NCALD: variants seen among roughly 807,000 people sequenced by gnomAD.
NCALD encodes the protein neurocalcin-delta.
A neutral mutation model predicts 18.6 loss-of-function variants in NCALD; 10 were observed. The observed-to-expected ratio is 0.54, with a 90% CI of 0.33 to 0.91. The LOEUF is 0.91. Ranked by LOEUF, NCALD falls within the 40% of genes least tolerant of loss-of-function variation. The probability of loss-of-function intolerance (pLI) is 0.03; values close to 1 mark genes in which losing one functional copy is unlikely to be tolerated. For synonymous variants in NCALD, 88 were observed against 87.4 expected (o/e 1.01, Z -0.04); for missense variants, 184 against 247.6 (o/e 0.74, Z 1.72).
At chr8:101,802,915 A>AT (rs1812923485) in intron 4 of NCALD, among the ~76,000 whole-genome samples, 1 of 151,510 alleles carries the variant, frequency 6.6e-6, no homozygotes, top group African/African-American at 2.4e-5. Flanking sequence ...AAAAAAAAAA[A>AT]AAAAATGCAA....
intron 2 of NCALD, among the ~76,000 whole-genome samples, chr8:101,941,295 G>C (rs953704360): frequency 1.4e-4 from 21 of 152,156 alleles, no homozygotes; most frequent in African/African-American, 4.3e-4. Flanking sequence ...TTCTCATAAG[G>C]AGCATTCAAC....
At chr8:101,893,192 G>T (rs1307885166) in intron 3 of NCALD, among the ~76,000 whole-genome samples, 2 of 151,910 alleles carry the variant, frequency 1.3e-5, no homozygotes, top group South Asian at 4.1e-4. Context: ...AGCCAGAAGA[G>T]AGTGGGGGCC....
intron 4 of NCALD, among the ~76,000 whole-genome samples, chr8:101,848,018 AC>A (rs1814938507): frequency 6.6e-6 from 1 of 152,210 alleles, no homozygotes; most frequent in Admixed American, 6.5e-5. Flanking sequence ...AACAAACCTT[AC>A]AAAAGTTGAT....
intron 4 of NCALD, among the ~76,000 whole-genome samples, chr8:101,867,329 C>T (rs570121946): frequency 7.9e-5 from 12 of 152,194 alleles, no homozygotes; most frequent in Non-Finnish European, 1.2e-4. Flanking sequence ...TTGTTCCCTA[C>T]CTAAATATCA....
intron 3 of NCALD, among the ~76,000 whole-genome samples, chr8:101,896,162 CA>C (rs1444287896): frequency 6.6e-6 from 1 of 151,788 alleles, no homozygotes; most frequent in African/African-American, 2.4e-5. Context: ...GGTACCAAAA[CA>C]GAGATATAGA....
chr8:101,835,208 C>T (rs2131264745), intron 4 of NCALD, among the ~76,000 whole-genome samples: 1 of 152,342 alleles, frequency 6.6e-6, no homozygotes, highest in Middle Eastern at 3.4e-3. Flanking sequence ...GCTTCACAGC[C>T]CCGTGCAGTA....
chr8:101,949,710 T>C (rs1463451481), intron 2 of NCALD, among the ~76,000 whole-genome samples: 2 of 152,050 alleles, frequency 1.3e-5, no homozygotes, highest in Non-Finnish European at 2.9e-5. Context: ...TTATGTTTTG[T>C]ATTCTTTAGC....
intron 1 of NCALD, among the ~76,000 whole-genome samples, chr8:101,722,145 G>A (rs1364993001): frequency 6.6e-6 from 1 of 152,072 alleles, no homozygotes; most frequent in African/African-American, 2.4e-5. Context: ...TCCCTCTTTA[G>A]GCAGAATCAA....
chr8:101,872,655 C>A, intron 4 of NCALD: 2 of 414,710 alleles, frequency 4.8e-6, no homozygotes, highest in Non-Finnish European at 9.0e-6. Context: ...GGGCCTAAGT[C>A]AATCAAATCT....
rs117718818 is a variant in NCALD, at chr8:101,835,547, G to C, written c.-20+51594C>G. Among the ~76,000 whole-genome samples, 11 of 152,304 alleles carry C rather than the reference G, an allele frequency of 7.2e-5. No homozygotes were observed. The East Asian group carries it at 1.9e-3, about 27-fold the overall frequency. ...GCTGAGCTCAAGAAACATTGGTCTA[G>C]GTGCTTAAATTCTATGTATCCAGCC... On this transcript the variant is annotated intron_variant, in intron 4 of 6. Transcript: ENST00000311028.
At chr8:101,763,007 G>A (rs1344138384) in intron 1 of NCALD, among the ~76,000 whole-genome samples, 1 of 152,170 alleles carries the variant, frequency 6.6e-6, no homozygotes, top group African/African-American at 2.4e-5. Flanking sequence ...TGGGACCCTA[G>A]CAAATTACTT....
chr8:101,821,758 T>C (rs1813724407), intron 4 of NCALD, among the ~76,000 whole-genome samples: 5 of 151,954 alleles, frequency 3.3e-5, no homozygotes, highest in Admixed American at 3.3e-4. Context: ...GATTGGCACC[T>C]CTATCCACTG....
intron 1 of NCALD, among the ~76,000 whole-genome samples, chr8:101,748,122 T>A (rs1452771741): frequency 6.6e-6 from 1 of 152,180 alleles, no homozygotes; most frequent in Non-Finnish European, 1.5e-5. Flanking sequence ...ATGAGACATT[T>A]TCCTTTCAGA....
At chr8:101,822,825 A>G (rs28509417) in intron 4 of NCALD, among the ~76,000 whole-genome samples, 3,957 of 152,286 alleles carry the variant, frequency 0.026, 178 homozygotes, top group African/African-American at 0.09. Context: ...GCAGCCTCAC[A>G]GTCTAATTTC....
Position 102,027,386 on chromosome 8 carries a change from C to T in NCALD, c.-209-7097G>A, listed in dbSNP as rs76555037. On this transcript the variant is annotated intron_variant, in intron 1 of 6. Coordinates refer to the NCALD transcript ENST00000311028. ...TTCAAAGTTCCACAGATCTCTGGGA[C>T]GGGGCAAAATGCCGCCAGTTTCTTT... is the stretch of plus-strand genomic sequence containing the variant. Among the ~76,000 whole-genome samples the T allele has an allele frequency of 7.2e-4, 110 of 152,296 alleles. 1 individual carries two copies. In the East Asian group the frequency reaches 0.013, roughly 18 times the overall value.
At chr8:101,851,160 G>A (rs919932302) in intron 4 of NCALD, among the ~76,000 whole-genome samples, 4 of 152,142 alleles carry the variant, frequency 2.6e-5, no homozygotes, top group African/African-American at 9.7e-5. Flanking sequence ...CGAGATTAGT[G>A]TTCTTTAGCT....
chr8:101,997,134 A>G (rs892947123), intron 2 of NCALD, among the ~76,000 whole-genome samples: 2 of 152,210 alleles, frequency 1.3e-5, no homozygotes, highest in African/African-American at 2.4e-5. Flanking sequence ...CATTAAGCTC[A>G]TTTAAGCTCT....
At chr8:101,845,946 T>C (rs968853155) in intron 4 of NCALD, among the ~76,000 whole-genome samples, 2 of 152,240 alleles carry the variant, frequency 1.3e-5, no homozygotes, top group African/African-American at 4.8e-5. Flanking sequence ...TTTGTCTTTC[T>C]GTGCCTGGAT....
chr8:101,846,281 T>G (rs543029766), intron 4 of NCALD, among the ~76,000 whole-genome samples: 3 of 152,342 alleles, frequency 2.0e-5, no homozygotes, highest in Non-Finnish European at 4.4e-5. Context: ...CCTATTTATA[T>G]TCCCACTAAT....
Sources: gnomAD v4.1 joint callset for allele counts (sites outside exome capture counted in the v4.1 genomes callset) on GRCh38, gnomAD v4.1.1 for gene constraint, MANE v1.5 for transcripts, NCBI Gene and HGNC (gene_info 2026-07-23, HGNC 2026-07-21) for gene names.